PDZRN3: variants seen among roughly 807,000 people sequenced by gnomAD.
PDZRN3 encodes the protein E3 ubiquitin-protein ligase PDZRN3.
In PDZRN3, 38 loss-of-function variants were observed where a neutral mutation model predicts 85.7. The ratio of observed to expected loss-of-function variants is 0.44; its 90% confidence interval spans 0.34 to 0.58. The LOEUF (loss-of-function observed/expected upper bound fraction) is 0.58. PDZRN3 is among the 20% of genes least tolerant of loss of function. The pLI, the probability that PDZRN3 is intolerant of heterozygous loss-of-function variation, is 0.01. For missense variants in PDZRN3, 1,629 were observed against 1,506.4 expected (o/e 1.08, Z -1.35); for synonymous variants, 759 against 638.0 (o/e 1.19, Z -2.86).
At position 73,498,060 on chromosome 3, in the gene PDZRN3, C is replaced by T. The variant is rs561987772; in HGVS notation, c.919-93665G>A. 3.3e-5 allele frequency among the ~76,000 whole-genome samples: 5 copies of T among 152,218 alleles called. No individual in the cohort carries two copies. In the South Asian group the frequency reaches 6.2e-4, roughly 19 times the overall value. ...CAGAGATCTGTTATATCTGAAGTTC[C>T]GCCAGAGAAGGTAAGGCCACAAATC... On this transcript the variant is annotated intron_variant, in intron 3 of 9. Coordinates refer to ENST00000263666, the MANE Select transcript of PDZRN3 (RefSeq NM_015009.3).
intron 3 of PDZRN3, among the ~76,000 whole-genome samples, chr3:73,545,483 T>C (rs919290623): frequency 6.6e-6 from 1 of 152,190 alleles, no homozygotes; most frequent in African/African-American, 2.4e-5. Flanking sequence ...TGGTTAAGAT[T>C]GCTCAGAGAT....
At chr3:73,581,514 T>C (rs1011300899) in intron 3 of PDZRN3, among the ~76,000 whole-genome samples, 2 of 152,216 alleles carry the variant, frequency 1.3e-5, no homozygotes, top group Non-Finnish European at 2.9e-5. Flanking sequence ...TGAGTGTATG[T>C]TATACATTCA....
At chr3:73,451,499 C>A (rs1348355009) in intron 3 of PDZRN3, among the ~76,000 whole-genome samples, 1 of 152,142 alleles carries the variant, frequency 6.6e-6, no homozygotes, top group Admixed American at 6.5e-5. Context: ...AGAGAACACA[C>A]TGATTAGTCC....
At chr3:73,610,711 T>C (rs1038920777) in intron 1 of PDZRN3, among the ~76,000 whole-genome samples, 1 of 152,232 alleles carries the variant, frequency 6.6e-6, no homozygotes, top group Non-Finnish European at 1.5e-5. Context: ...CCAAGGCAGA[T>C]GGCTTTAGTT....
chr3:73,478,018 CG>C (rs1559700081), intron 3 of PDZRN3, among the ~76,000 whole-genome samples: 1 of 152,068 alleles, frequency 6.6e-6, no homozygotes, highest in African/African-American at 2.4e-5. Context: ...CCAAGAAACA[CG>C]GGAATTATGG....
At chr3:73,610,793 G>C (rs562016831) in intron 1 of PDZRN3, among the ~76,000 whole-genome samples, 2 of 152,200 alleles carry the variant, frequency 1.3e-5, no homozygotes, top group East Asian at 1.9e-4. Flanking sequence ...TCAATCTACT[G>C]TGTGATAACC....
chr3:73,530,211 T>TG (rs1316187349), intron 3 of PDZRN3, among the ~76,000 whole-genome samples: 1 of 152,226 alleles, frequency 6.6e-6, no homozygotes, highest in Admixed American at 6.5e-5. Flanking sequence ...AACGCTGGAA[T>TG]GCTGGAACAA....
chr3:73,624,404 C>G lies in PDZRN3; in HGVS notation c.422G>C (p.Arg141Pro), dbSNP rs1451880959. Reference protein sequence around the residue: ...RDACDARPVGRCQEGCGLPLT... With the variant: ...RDACDARPVGPCQEGCGLPLT... ...GGGTAGCCCGCAGCCCTCCTGGCAG[C>G]GGCCCACTGGCCGCGCGTCGCAGGC... Residue 141 changes from arginine (R) to proline (P), a missense_variant, in exon 1 of 10, where the codon CGC becomes CCC. Coordinates refer to ENST00000263666, the MANE Select transcript of PDZRN3 (RefSeq NM_015009.3). 1 of 1,304,130 alleles carries G rather than the reference C, an allele frequency of 7.7e-7. No individual in the cohort carries two copies. The highest frequency in any genetic ancestry group is 1.6e-5 in the African/African-American group (1 of 64,108). 80.8% of individuals were successfully genotyped at this position (1,304,130 alleles called of 1,614,324 possible).
At chr3:73,446,283 T>C (rs999351906) in intron 3 of PDZRN3, among the ~76,000 whole-genome samples, 6 of 152,152 alleles carry the variant, frequency 3.9e-5, no homozygotes, top group African/African-American at 1.4e-4. Flanking sequence ...TAAATACAGT[T>C]ACATGGGCAG....
chr3:73,566,072 G>C (rs560251970), intron 3 of PDZRN3, among the ~76,000 whole-genome samples: 4 of 152,268 alleles, frequency 2.6e-5, no homozygotes, highest in South Asian at 2.1e-4. Context: ...AAAGGCAAGG[G>C]AGTAAAAACC....
chr3:73,478,068 C>A (rs1313914232), intron 3 of PDZRN3, among the ~76,000 whole-genome samples: 1 of 152,148 alleles, frequency 6.6e-6, no homozygotes, highest in East Asian at 1.9e-4. Context: ...GGGGACACAG[C>A]CAAATGACAT....
chr3:73,506,974 G>T (rs957986517), intron 3 of PDZRN3, among the ~76,000 whole-genome samples: 3 of 151,982 alleles, frequency 2.0e-5, no homozygotes, highest in Admixed American at 2.0e-4. Flanking sequence ...ATAGTAATAG[G>T]TGAGGTAAAT....
intron 3 of PDZRN3, among the ~76,000 whole-genome samples, chr3:73,469,958 A>G (rs973729983): frequency 9.9e-5 from 15 of 152,066 alleles, no homozygotes; most frequent in Non-Finnish European, 1.9e-4. Flanking sequence ...TGTACGTTGT[A>G]GGATGTCTAG....
intron 3 of PDZRN3, among the ~76,000 whole-genome samples, chr3:73,589,874 T>C (rs944359093): frequency 4.6e-5 from 7 of 152,212 alleles, no homozygotes; most frequent in Admixed American, 3.9e-4. Context: ...TGTTCAGGCA[T>C]AAATGTTCAG....
chr3:73,482,580 A>G (rs1385100755), intron 3 of PDZRN3, among the ~76,000 whole-genome samples: 4 of 152,096 alleles, frequency 2.6e-5, no homozygotes, highest in Admixed American at 2.0e-4. Context: ...CTTCAACTCC[A>G]TTTTTTAAAA....
At chr3:73,459,176 C>A (rs1335154351) in intron 3 of PDZRN3, among the ~76,000 whole-genome samples, 1 of 151,956 alleles carries the variant, frequency 6.6e-6, no homozygotes, top group Non-Finnish European at 1.5e-5. Context: ...ACCATCAGAT[C>A]TCCTGAGAAC....
chr3:73,509,805 C>T (rs1278631803), intron 3 of PDZRN3, among the ~76,000 whole-genome samples: 2 of 152,228 alleles, frequency 1.3e-5, no homozygotes, highest in African/African-American at 2.4e-5. Flanking sequence ...CAGACAACTT[C>T]CTGCCTTGAA....
intron 3 of PDZRN3, among the ~76,000 whole-genome samples, chr3:73,523,010 T>TG (rs535569113): frequency 1.1e-4 from 16 of 152,130 alleles, no homozygotes; most frequent in South Asian, 8.3e-4. Context: ...GAAGAGTTTT[T>TG]TTTGTTTGTT....
chr3:73,430,224 A>G (rs1702403339), intron 3 of PDZRN3, among the ~76,000 whole-genome samples: 1 of 152,196 alleles, frequency 6.6e-6, no homozygotes, highest in Non-Finnish European at 1.5e-5. Flanking sequence ...GAAAGTGCAC[A>G]GCTGACACTC....
Sources: gnomAD v4.1 joint callset for allele counts (sites outside exome capture counted in the v4.1 genomes callset) on GRCh38, gnomAD v4.1.1 for gene constraint, MANE v1.5 for transcripts, NCBI Gene and HGNC (gene_info 2026-07-23, HGNC 2026-07-21) for gene names.